The following CCDC102B variants were observed in gnomAD, a reference collection of about 807,000 sequenced individuals.
CCDC102B encodes coiled-coil domain-containing protein 102B.
CCDC102B carries 75 observed loss-of-function variants against 57.4 expected under a neutral mutation model. The observed-to-expected ratio is 1.31, with a 90% CI of 1.08 to 1.58. The LOEUF (loss-of-function observed/expected upper bound fraction) is 1.58, where lower values mean the gene tolerates loss of function less well. Ranked by LOEUF, CCDC102B falls within the 40% of genes most tolerant of loss-of-function variation. The pLI is 0.00. For synonymous variants in CCDC102B, 206 were observed against 201.9 expected, an observed-to-expected ratio of 1.02 and a Z score of -0.17; for missense variants, 636 against 582.6, an observed-to-expected ratio of 1.09 and a Z score of -0.94.
chr18:69,006,867 G>A (rs1427866687), intron 6 of CCDC102B, among the ~76,000 whole-genome samples: 4 of 152,182 alleles, frequency 2.6e-5, no homozygotes, highest in Non-Finnish European at 4.4e-5. Context: ...CTGATAACAA[G>A]GTGAACGCCA....
At chr18:68,896,759 TAGATAGAG>T (rs1272182608) in intron 5 of CCDC102B, among the ~76,000 whole-genome samples, 11 of 152,078 alleles carry the variant, frequency 7.2e-5, no homozygotes, top group East Asian at 3.9e-4. Flanking sequence ...AAATGTTGCA[TAGATAGAG>T]AGATAGAGAG....
chr18:68,834,784 T>C (rs1261715482), intron 1 of CCDC102B, among the ~76,000 whole-genome samples: 1 of 151,926 alleles, frequency 6.6e-6, no homozygotes, highest in Non-Finnish European at 1.5e-5. Flanking sequence ...ATAGCCTTAA[T>C]ATTCATCTTT....
intron 6 of CCDC102B, among the ~76,000 whole-genome samples, chr18:68,949,366 C>G (rs547116626): frequency 1.3e-5 from 2 of 152,222 alleles, no homozygotes; most frequent in South Asian, 2.1e-4. Context: ...GGGAAAGCAT[C>G]TGACATTTGT....
chr18:68,793,469 G>T (rs374504483), upstream of CCDC102B, among the ~76,000 whole-genome samples: 22 of 152,188 alleles, frequency 1.4e-4, no homozygotes, highest in East Asian at 3.3e-3. Context: ...AATGTTAGAA[G>T]AATTTTAAAA....
chr18:69,039,510 G>A (rs1458983725), intron 7 of CCDC102B, among the ~76,000 whole-genome samples: 1 of 151,812 alleles, frequency 6.6e-6, no homozygotes, highest in Non-Finnish European at 1.5e-5. Flanking sequence ...TTGGTACCAT[G>A]AGATATTATT....
intron 2 of CCDC102B, among the ~76,000 whole-genome samples, chr18:68,762,599 G>A (rs1001251565): frequency 6.6e-6 from 1 of 152,018 alleles, no homozygotes; most frequent in Non-Finnish European, 1.5e-5. Flanking sequence ...ATATGCCTAA[G>A]AAAAGCCAGA....
At chr18:68,721,661 A>G (rs1016767571) in intron 2 of CCDC102B, 2 of 152,240 alleles carry the variant, frequency 1.3e-5, no homozygotes, top group Non-Finnish European at 1.5e-5. Context: ...GGTGGTTGCC[A>G]AACTATGCTT....
At chr18:69,009,924 A>T (rs1167307276) in intron 6 of CCDC102B, among the ~76,000 whole-genome samples, 12 of 33,526 alleles carry the variant, frequency 3.6e-4, no homozygotes, top group Admixed American at 7.4e-4. Flanking sequence ...TTTAATAAAG[A>T]TTTTTTTTTT....
chr18:68,985,666 C>T (rs914772379), intron 6 of CCDC102B, among the ~76,000 whole-genome samples: 1 of 152,134 alleles, frequency 6.6e-6, no homozygotes, highest in Non-Finnish European at 1.5e-5. Flanking sequence ...CCAGAAAGGA[C>T]TTTGAGCCAC....
rs964106583 is a variant in CCDC102B, at chr18:68,977,846, G to A, written c.1264-33088G>A. ...GTCATTTGCCTATCTAGGGAAAACC[G>A]ACTGTCTTGTAGTCTATTAATCTTT... On this transcript the variant is annotated intron_variant, in intron 6 of 7. Coordinates refer to ENST00000360242, the MANE Select transcript of CCDC102B (RefSeq NM_024781.3). Among the ~76,000 whole-genome samples the A allele has an allele frequency of 1.4e-4, 21 of 151,926 alleles. No homozygotes were observed. In the South Asian group the frequency reaches 1.9e-3, roughly 13 times the overall value.
chr18:68,765,339 AAGAAAG>A lies in CCDC102B; in HGVS notation c.-67+48747_-67+48752del, dbSNP rs1489094467. On this transcript the variant is annotated intron_variant, in intron 2 of 3. Coordinates refer to the CCDC102B transcript ENST00000578970. ...AAGGAAGGAAGGAAAGAAAGAAAGA[AAGAAAG>A]AAAGAAAGAAAGAAAGAAAGAAAGA... Among the ~76,000 whole-genome samples, 425 of 129,584 alleles carry A rather than the reference AAGAAAG, an allele frequency of 3.3e-3. 5 individuals carry two copies. Among genetic ancestry groups the A allele is most frequent in the African/African-American group, 0.011 (402 of 35,040 alleles). 85.0% of individuals were successfully genotyped at this position (129,584 alleles called of 152,430 possible).
chr18:68,897,614 TG>T (rs2040291713), intron 6 of CCDC102B, 186 bp downstream of exon 6: 1 of 1,543,722 alleles, frequency 6.5e-7, no homozygotes, highest in Admixed American at 1.9e-5. Flanking sequence ...AAACAAAGTG[TG>T]TCAAATGTTA....
intron 2 of CCDC102B, among the ~76,000 whole-genome samples, chr18:68,790,413 G>T (rs896942970): frequency 9.2e-5 from 14 of 151,938 alleles, no homozygotes; most frequent in African/African-American, 3.4e-4. Context: ...GCAATGGCGG[G>T]CGCCCCTCCC....
chr18:68,759,074 C>T lies in CCDC102B; in HGVS notation c.-67+42480C>T, dbSNP rs12326510. ...AAGATACACTCAGGCTTGAAAAGAG[C>T]TTCTGGAAATTAAAACTATGAAAGC... On this transcript the variant is annotated intron_variant, in intron 2 of 3. Transcript: ENST00000578970. 2.8e-4 allele frequency among the ~76,000 whole-genome samples: 42 copies of T among 150,906 alleles called. 1 individual carries two copies. Among genetic ancestry groups the T allele is most frequent in the African/African-American group, 9.2e-4 (38 of 41,260 alleles).
At chr18:68,769,197 G>A (rs1272344582) in intron 2 of CCDC102B, among the ~76,000 whole-genome samples, 1 of 151,120 alleles carries the variant, frequency 6.6e-6, no homozygotes, top group Non-Finnish European at 1.5e-5. Flanking sequence ...AGGCTGCGGT[G>A]AGCCGAAATC....
At chr18:68,771,953 C>T (rs2034654912) in intron 2 of CCDC102B, among the ~76,000 whole-genome samples, 1 of 151,898 alleles carries the variant, frequency 6.6e-6, no homozygotes, top group Non-Finnish European at 1.5e-5. Flanking sequence ...TGGTCAGAGT[C>T]TCTTAGGTAA....
chr18:68,866,594 A>C, intron 4 of CCDC102B: 1 of 296,578 alleles, frequency 3.4e-6, no homozygotes, highest in Non-Finnish European at 6.7e-6. Flanking sequence ...GTATCAGAAA[A>C]GCTGCTCCTT....
At chr18:68,769,283 G>T (rs951282000) in intron 2 of CCDC102B, among the ~76,000 whole-genome samples, 10 of 151,684 alleles carry the variant, frequency 6.6e-5, no homozygotes, top group African/African-American at 2.4e-4. Context: ...TGAATCGATG[G>T]GTAAATATAT....
At chr18:68,863,482 C>G (rs1171725208) in intron 4 of CCDC102B, among the ~76,000 whole-genome samples, 1 of 151,896 alleles carries the variant, frequency 6.6e-6, no homozygotes, top group African/African-American at 2.4e-5. Flanking sequence ...TTGCCTAGAA[C>G]CATAGATGAA....
Sources: gnomAD v4.1 joint callset for allele counts (sites outside exome capture counted in the v4.1 genomes callset) on GRCh38, gnomAD v4.1.1 for gene constraint, MANE v1.5 for transcripts, NCBI Gene and HGNC (gene_info 2026-07-23, HGNC 2026-07-21) for gene names.